The following MEIS1 variants were observed in gnomAD, a reference collection of about 807,000 sequenced individuals.
MEIS1 encodes homeobox protein Meis1.
A neutral mutation model predicts 50.8 loss-of-function variants in MEIS1; 5 were observed. The observed-to-expected ratio is 0.10, with a 90% confidence interval of 0.05 to 0.21. The LOEUF (loss-of-function observed/expected upper bound fraction) is 0.21, where lower values mean the gene tolerates loss of function less well. MEIS1 is among the 10% of genes least tolerant of loss of function. The pLI, the probability that MEIS1 is intolerant of heterozygous loss-of-function variation, is 1.00. For synonymous variants in MEIS1, 176 were observed against 179.3 expected, an observed-to-expected ratio of 0.98 and a Z score of 0.15; for missense variants, 318 against 517.3, an observed-to-expected ratio of 0.61 and a Z score of 3.74.
chr2:66,468,540 G>T (rs188757074), intron 7 of MEIS1, among the ~76,000 whole-genome samples: 137 of 152,304 alleles, frequency 9.0e-4, no homozygotes, highest in African/African-American at 2.7e-3. Context: ...GGCTCAGAGC[G>T]ATAAGGAGAC....
At chr2:66,565,751 TC>T (rs1675331043) in intron 9 of MEIS1, among the ~76,000 whole-genome samples, 1 of 152,178 alleles carries the variant, frequency 6.6e-6, no homozygotes, top group South Asian at 2.1e-4. Flanking sequence ...ATTCCTTCCC[TC>T]TAAGAGTCTG....
At chr2:66,463,408 C>T (rs57949792) in intron 6 of MEIS1, among the ~76,000 whole-genome samples, 1 of 152,116 alleles carries the variant, frequency 6.6e-6, no homozygotes, top group South Asian at 2.1e-4. Context: ...GATTGTTTTC[C>T]TCAAGAATTT....
intron 8 of MEIS1, among the ~76,000 whole-genome samples, chr2:66,528,829 A>G (rs1354087632): frequency 1.3e-5 from 2 of 152,124 alleles, no homozygotes; most frequent in Non-Finnish European, 2.9e-5. Context: ...AGGATATGAG[A>G]CAAACATCCG....
intron 9 of MEIS1, among the ~76,000 whole-genome samples, chr2:66,549,898 G>T (rs187731962): frequency 1.3e-3 from 193 of 152,272 alleles, no homozygotes; most frequent in African/African-American, 4.3e-3. Context: ...TCCTGTGAAT[G>T]CAGGAAGAGG....
intron 7 of MEIS1, among the ~76,000 whole-genome samples, chr2:66,475,514 AG>A (rs1330464029): frequency 6.6e-6 from 1 of 152,078 alleles, no homozygotes; most frequent in Non-Finnish European, 1.5e-5. Flanking sequence ...GGTAGTACCA[AG>A]CAATATAAAT....
intron 9 of MEIS1, among the ~76,000 whole-genome samples, chr2:66,551,169 G>A (rs1013018911): frequency 1.3e-5 from 2 of 152,074 alleles, no homozygotes; most frequent in African/African-American, 4.8e-5. Flanking sequence ...AGAAATCCTG[G>A]CTGATGCAGT....
At chr2:66,484,678 C>G (rs565790573) in intron 7 of MEIS1, among the ~76,000 whole-genome samples, 8 of 152,124 alleles carry the variant, frequency 5.3e-5, no homozygotes, top group Non-Finnish European at 1.0e-4. Context: ...CCTGCCTCAG[C>G]CTCCCAAATA....
At chr2:66,539,766 T>G (rs905219488) in intron 8 of MEIS1, among the ~76,000 whole-genome samples, 3 of 152,192 alleles carry the variant, frequency 2.0e-5, no homozygotes, top group Non-Finnish European at 2.9e-5. Context: ...TTCCTTTGGC[T>G]GGATGCTGGA....
At chr2:66,504,408 A>AT (rs1673638276) in intron 7 of MEIS1, among the ~76,000 whole-genome samples, 3 of 151,440 alleles carry the variant, frequency 2.0e-5, no homozygotes, top group African/African-American at 7.3e-5. Context: ...CAATTTTTGT[A>AT]TTTTTTTAGT....
At chr2:66,471,808 C>T (rs1275601258) in intron 7 of MEIS1, among the ~76,000 whole-genome samples, 1 of 152,152 alleles carries the variant, frequency 6.6e-6, no homozygotes, top group Non-Finnish European at 1.5e-5. Context: ...AATATATTTT[C>T]TGTTTTCATG....
intron 7 of MEIS1, among the ~76,000 whole-genome samples, chr2:66,477,797 C>T (rs1672928937): frequency 6.6e-6 from 1 of 152,144 alleles, no homozygotes; most frequent in Non-Finnish European, 1.5e-5. Context: ...GGATTCTAAT[C>T]CTGGTGTGCT....
At chr2:66,490,111 G>A (rs192120832) in intron 7 of MEIS1, among the ~76,000 whole-genome samples, 2 of 152,292 alleles carry the variant, frequency 1.3e-5, no homozygotes, top group East Asian at 3.9e-4. Flanking sequence ...AAATGAAAAA[G>A]TCAAAATCCA....
intron 9 of MEIS1, among the ~76,000 whole-genome samples, chr2:66,563,831 G>C (rs1675274754): frequency 6.6e-6 from 1 of 152,128 alleles, no homozygotes. Flanking sequence ...GCTGTGTGTA[G>C]CATAATTCCA....
At chr2:66,525,885 A>C (rs1178154166) in intron 8 of MEIS1, among the ~76,000 whole-genome samples, 8 of 152,268 alleles carry the variant, frequency 5.3e-5, no homozygotes, top group Non-Finnish European at 1.2e-4. Context: ...GCTAGCTCCT[A>C]GACTCCTGCA....
At chr2:66,452,692 C>A (rs1380986879) in intron 6 of MEIS1, among the ~76,000 whole-genome samples, 1 of 151,934 alleles carries the variant, frequency 6.6e-6, no homozygotes, top group Non-Finnish European at 1.5e-5. Context: ...CCCTTCCTTT[C>A]TTTCAGCCTG....
chr2:66,479,827 A>G (rs1041709957), intron 7 of MEIS1, among the ~76,000 whole-genome samples: 1 of 152,096 alleles, frequency 6.6e-6, no homozygotes, highest in African/African-American at 2.4e-5. Context: ...AGGATTCCCC[A>G]TTTCTTGGTG....
At chr2:66,494,531 T>C (rs1673350958) in intron 7 of MEIS1, among the ~76,000 whole-genome samples, 2 of 152,346 alleles carry the variant, frequency 1.3e-5, no homozygotes, top group Non-Finnish European at 2.9e-5. Flanking sequence ...TCATTTACTA[T>C]GCTCAAAGAG....
chr2:66,565,612 T>C (rs181354918), intron 9 of MEIS1, among the ~76,000 whole-genome samples: 3 of 152,306 alleles, frequency 2.0e-5, no homozygotes, highest in African/African-American at 4.8e-5. Flanking sequence ...AGAAGTCACC[T>C]AATTTCTCTG....
intron 8 of MEIS1, among the ~76,000 whole-genome samples, chr2:66,518,984 A>C (rs996574835): frequency 1.3e-5 from 2 of 152,228 alleles, no homozygotes; most frequent in Admixed American, 6.5e-5. Context: ...CATCCACATC[A>C]TATCTGTCTC....
Sources: allele counts gnomAD v4.1 joint callset (sites outside exome capture counted in the v4.1 genomes callset), GRCh38; gene constraint gnomAD v4.1.1; transcripts MANE v1.5; gene names NCBI Gene and HGNC (gene_info 2026-07-23, HGNC 2026-07-21).